Variants in TATDN1 observed in about 807,000 individuals in gnomAD.
The protein encoded by TATDN1 is deoxyribonuclease TATDN1.
TATDN1 carries 40 observed loss-of-function variants against 46.4 expected under a neutral mutation model. That is an observed-to-expected ratio of 0.86 (90% CI 0.67 to 1.12). The LOEUF is 1.12. Among genes scored for constraint, TATDN1 ranks in the 50% most tolerant of loss-of-function variants. The pLI is 0.00. For synonymous variants in TATDN1, 95 were observed against 105.6 expected, an observed-to-expected ratio of 0.90 and a Z score of 0.62; for missense variants, 326 against 348.4, an observed-to-expected ratio of 0.94 and a Z score of 0.51.
At chr8:124,520,342 C>T (rs1819917153) in intron 3 of TATDN1, among the ~76,000 whole-genome samples, 1 of 151,348 alleles carries the variant, frequency 6.6e-6, no homozygotes, top group Non-Finnish European at 1.5e-5. Flanking sequence ...GAGGCTGAGG[C>T]AGGAGAATCA....
intron 8 of TATDN1, among the ~76,000 whole-genome samples, chr8:124,507,794 A>C (rs923361500): frequency 1.3e-5 from 2 of 151,876 alleles, no homozygotes; most frequent in Admixed American, 6.6e-5. Flanking sequence ...CAAAAAAAAA[A>C]AAAAACAAAA....
In TATDN1 at chr8:124,488,703, C is replaced by G; in HGVS notation, c.792-7G>C. 1 of 1,553,494 alleles carries G rather than the reference C, an allele frequency of 6.4e-7. No individual in the cohort carries two copies. The highest frequency in any genetic ancestry group is 8.9e-7 in the Non-Finnish European group (1 of 1,128,552). ...CATTATCTCCAATATTTGACTAAAA[C>G]AAAACAAAAACAAAAATGGTTAAAT... On this transcript the variant is annotated splice_region_variant and splice_polypyrimidine_tract_variant and intron_variant, in intron 11 of 11. Transcript: ENST00000276692.
chr8:124,504,017 G>A (rs1480686195), intron 9 of TATDN1: 5 of 1,093,396 alleles, frequency 4.6e-6, no homozygotes, highest in African/African-American at 3.2e-5. Flanking sequence ...GAGAAAGCCA[G>A]CTGCAGATCT....
intron 1 of TATDN1, among the ~76,000 whole-genome samples, chr8:124,531,999 CA>C (rs964032621): frequency 6.6e-6 from 1 of 152,116 alleles, no homozygotes; most frequent in Non-Finnish European, 1.5e-5. Flanking sequence ...TTCCCTCTTC[CA>C]GACTCCAAGA....
chr8:124,505,001 C>T (rs1030674119), intron 8 of TATDN1, among the ~76,000 whole-genome samples: 10 of 150,922 alleles, frequency 6.6e-5, no homozygotes, highest in South Asian at 6.3e-4. Flanking sequence ...GTGATTCGCC[C>T]GCCTCGGCCT....
At position 124,495,940 on chromosome 8, in the gene TATDN1, A is replaced by G. The variant is rs533787208; in HGVS notation, c.594-398T>C. Among the ~76,000 whole-genome samples the G allele has an allele frequency of 1.2e-4, 19 of 152,344 alleles. No individual in the cohort carries two copies. The South Asian group carries it at 3.9e-3, about 32-fold the overall frequency. ...AGATTCTTCACTCTACTTTAGCAGA[A>G]TTATGTATCTGCACCCTTGCCATGG... On this transcript the variant is annotated intron_variant, in intron 9 of 11. Coordinates refer to ENST00000276692, the MANE Select transcript of TATDN1 (RefSeq NM_032026.4).
chr8:124,532,707 C>A (rs1397966165), intron 1 of TATDN1, among the ~76,000 whole-genome samples: 3 of 152,230 alleles, frequency 2.0e-5, no homozygotes, highest in Non-Finnish European at 4.4e-5. Flanking sequence ...AACCGTTTCA[C>A]CCCAGGCCAG....
At chr8:124,501,043 G>A (rs186574932) in intron 9 of TATDN1, among the ~76,000 whole-genome samples, 97 of 152,308 alleles carry the variant, frequency 6.4e-4, no homozygotes, top group African/African-American at 2.3e-3. Context: ...TTATGTATCT[G>A]TGACTTGGTG....
At chr8:124,529,251 T>C (rs1301109674) in intron 1 of TATDN1, among the ~76,000 whole-genome samples, 2 of 152,236 alleles carry the variant, frequency 1.3e-5, no homozygotes, top group African/African-American at 2.4e-5. Context: ...AGGTCTCTCA[T>C]ACTCCTAAAT....
intron 1 of TATDN1, among the ~76,000 whole-genome samples, chr8:124,530,737 G>T (rs1250445746): frequency 6.6e-6 from 1 of 152,180 alleles, no homozygotes; most frequent in Non-Finnish European, 1.5e-5. Flanking sequence ...AAGTTATCTA[G>T]CAGAAAGGCA....
chr8:124,505,115 T>A (rs1353858927), intron 8 of TATDN1, among the ~76,000 whole-genome samples: 1 of 150,218 alleles, frequency 6.7e-6, no homozygotes, highest in African/African-American at 2.4e-5. Context: ...CCAGGCGCAA[T>A]GGCTCACGCC....
rs548691223 is a variant in TATDN1 at position 124,528,394 on chromosome 8, C to T, written c.23-5392G>A. 4.6e-5 allele frequency among the ~76,000 whole-genome samples: 7 copies of T among 152,184 alleles called. No individual in the cohort carries two copies. The South Asian group carries it at 6.2e-4, about 14-fold the overall frequency. On this transcript the variant is annotated intron_variant, in intron 1 of 11. Coordinates refer to ENST00000276692, the MANE Select transcript of TATDN1 (RefSeq NM_032026.4). ...TTCACCATGTTAGCCAGGATGGTCTCGATCTCCTGACCTTGTGATCCTCCC... is the reference window on the plus strand; with the variant it reads ...TTCACCATGTTAGCCAGGATGGTCTTGATCTCCTGACCTTGTGATCCTCCC...
chr8:124,532,803 C>T (rs1462262909), intron 1 of TATDN1, among the ~76,000 whole-genome samples: 1 of 152,150 alleles, frequency 6.6e-6, no homozygotes, highest in African/African-American at 2.4e-5. Flanking sequence ...TGATTCCCAT[C>T]ACAGAGACCA....
chr8:124,515,389 A>C (rs1222701655), intron 6 of TATDN1, among the ~76,000 whole-genome samples: 2 of 152,158 alleles, frequency 1.3e-5, no homozygotes, highest in Non-Finnish European at 2.9e-5. Context: ...AAAAAACAAA[A>C]CAAAACAATC....
chr8:124,494,457 A>G (rs1231702352), intron 10 of TATDN1: 1 of 152,730 alleles, frequency 6.5e-6, no homozygotes, highest in South Asian at 2.1e-4. Context: ...AATGAATGTG[A>G]TTTCTCCAGA....
intron 11 of TATDN1, among the ~76,000 whole-genome samples, chr8:124,490,497 G>A (rs543340704): frequency 2.0e-4 from 31 of 151,898 alleles, no homozygotes; most frequent in African/African-American, 3.9e-4. Context: ...GCAACAGAGC[G>A]AGACTCTCTC....
At chr8:124,495,166 T>G (rs956632568) in intron 10 of TATDN1, 1 of 349,376 alleles carries the variant, frequency 2.9e-6, no homozygotes, top group African/African-American at 2.2e-5. Flanking sequence ...AACTTGGAAG[T>G]GTGATGTGCT....
chr8:124,501,146 T>C (rs1368558869), intron 9 of TATDN1, among the ~76,000 whole-genome samples: 1 of 152,232 alleles, frequency 6.6e-6, no homozygotes, highest in Non-Finnish European at 1.5e-5. Flanking sequence ...GGCACAGGCC[T>C]GAGCATGGAG....
intron 1 of TATDN1, among the ~76,000 whole-genome samples, chr8:124,531,367 G>A (rs1820939166): frequency 6.6e-6 from 1 of 152,114 alleles, no homozygotes; most frequent in South Asian, 2.1e-4. Flanking sequence ...TGTAACTTTC[G>A]CCAGCTCGCT....
Sources: allele counts gnomAD v4.1 joint callset (sites outside exome capture counted in the v4.1 genomes callset), GRCh38; gene constraint gnomAD v4.1.1; transcripts MANE v1.5; gene names NCBI Gene and HGNC (gene_info 2026-07-23, HGNC 2026-07-21).